The following CCDC15 variants were observed in gnomAD, a reference collection of about 807,000 sequenced individuals.
CCDC15 encodes coiled-coil domain-containing protein 15.
In CCDC15, 105 loss-of-function variants were observed where a neutral mutation model predicts 114.5. The observed-to-expected ratio is 0.92, with a 90% CI of 0.78 to 1.08. CCDC15 has a LOEUF of 1.08. Ranked by LOEUF, CCDC15 falls within the 50% of genes least tolerant of loss-of-function variation. The pLI, the probability that CCDC15 is intolerant of heterozygous loss-of-function variation, is 0.00. For synonymous variants in CCDC15, 334 were observed against 377.8 expected, an observed-to-expected ratio of 0.88 and a Z score of 1.34; for missense variants, 1,105 against 1,093.6, an observed-to-expected ratio of 1.01 and a Z score of -0.15.
Position 124,987,591 on chromosome 11 carries a change from T to A in CCDC15, c.1365T>A (p.His455Gln). ...AGGACTTCCTACCCAGAGACCAGCA[T>A]GTTCTCCACAAAGACCAAGATATTC... is the stretch of plus-strand genomic sequence containing the variant. ...QDQDFLPRDQ[H>Q]VLHKDQDILP... Residue 455 changes from histidine to glutamine, a missense_variant, in exon 8 of 16, where the codon CAT becomes CAA. Transcript: ENST00000344762. 6.2e-7 allele frequency: 1 copy of A among 1,614,036 alleles called. No individual in the cohort carries two copies. The highest frequency in any genetic ancestry group is 8.5e-7 in the Non-Finnish European group (1 of 1,179,900).
chr11:124,970,939 T>G (rs1947867090), intron 4 of CCDC15, among the ~76,000 whole-genome samples: 1 of 152,244 alleles, frequency 6.6e-6, no homozygotes, highest in Non-Finnish European at 1.5e-5. Context: ...GTTAAAGTTA[T>G]GTTTCTGTGT....
chr11:124,985,762 G>T (rs959641171), intron 6 of CCDC15, among the ~76,000 whole-genome samples: 4 of 150,850 alleles, frequency 2.7e-5, no homozygotes, highest in Non-Finnish European at 5.9e-5. Flanking sequence ...ATATATTCTG[G>T]ATACAAGTTC....
At chr11:125,000,063 A>T (rs978424740) in intron 11 of CCDC15, among the ~76,000 whole-genome samples, 1 of 151,494 alleles carries the variant, frequency 6.6e-6, no homozygotes, top group Non-Finnish European at 1.5e-5. Flanking sequence ...GGGTTTCACC[A>T]TGTTGGCCAG....
intron 13 of CCDC15, among the ~76,000 whole-genome samples, chr11:125,022,492 C>T (rs1489284105): frequency 6.6e-6 from 1 of 151,890 alleles, no homozygotes; most frequent in Non-Finnish European, 1.5e-5. Flanking sequence ...GTGGCTTTGT[C>T]ACTTTGCTAG....
chr11:125,014,162 A>G (rs1360309659), intron 13 of CCDC15, among the ~76,000 whole-genome samples: 4 of 152,194 alleles, frequency 2.6e-5, no homozygotes, highest in Admixed American at 2.0e-4. Flanking sequence ...TAGGGAGAGC[A>G]TACACTAAGA....
intron 15 of CCDC15, 145 bp from the exon 16 acceptor site, chr11:125,040,445 C>T: frequency 1.5e-6 from 1 of 671,622 alleles, no homozygotes; most frequent in Non-Finnish European, 2.4e-6. Flanking sequence ...GAGTGCTTGT[C>T]ATATAGTAAG....
intron 13 of CCDC15, among the ~76,000 whole-genome samples, chr11:125,032,260 G>A (rs1233662558): frequency 6.6e-6 from 1 of 152,256 alleles, no homozygotes; most frequent in African/African-American, 2.4e-5. Context: ...CCTGAGGTAG[G>A]ACAGTAAAGG....
At chr11:125,013,372 T>C (rs925266237) in intron 13 of CCDC15, among the ~76,000 whole-genome samples, 2 of 152,188 alleles carry the variant, frequency 1.3e-5, no homozygotes, top group African/African-American at 4.8e-5. Context: ...AACGAAGTTG[T>C]TGAAAGATTT....
intron 4 of CCDC15, among the ~76,000 whole-genome samples, chr11:124,965,001 T>A (rs1318252973): frequency 1.3e-5 from 2 of 152,122 alleles, no homozygotes; most frequent in Non-Finnish European, 1.5e-5. Context: ...CAACTTGATC[T>A]TGGTGGATAA....
At chr11:125,040,235 C>T (rs953982406) in intron 15 of CCDC15, among the ~76,000 whole-genome samples, 37 of 151,776 alleles carry the variant, frequency 2.4e-4, no homozygotes, top group African/African-American at 9.0e-4. Flanking sequence ...CGGGGGTTTG[C>T]CATGTTGGCC....
At chr11:125,039,385 A>G in intron 15 of CCDC15, 1 of 237,842 alleles carries the variant, frequency 4.2e-6, no homozygotes, top group East Asian at 8.2e-5. Flanking sequence ...GACTCTATCC[A>G]GTTGAATTCC....
At chr11:124,965,067 A>G (rs1004415954) in intron 4 of CCDC15, among the ~76,000 whole-genome samples, 18 of 151,980 alleles carry the variant, frequency 1.2e-4, no homozygotes, top group African/African-American at 4.1e-4. Context: ...AGATTTTTGC[A>G]TCGATGTTCA....
At chr11:125,019,531 AC>A (rs1948649010) in intron 13 of CCDC15, among the ~76,000 whole-genome samples, 1 of 152,002 alleles carries the variant, frequency 6.6e-6, no homozygotes, top group African/African-American at 2.4e-5. Context: ...TGTCTTTATC[AC>A]CTAACGTCTT....
intron 12 of CCDC15, 90 bp downstream of exon 12, chr11:125,004,049 C>A: frequency 4.9e-6 from 3 of 614,562 alleles, no homozygotes; most frequent in Non-Finnish European, 7.7e-6. Context: ...TGTGTCCTAA[C>A]ACATAAAAGA....
At chr11:125,019,315 T>C (rs917732145) in intron 13 of CCDC15, among the ~76,000 whole-genome samples, 1 of 152,048 alleles carries the variant, frequency 6.6e-6, no homozygotes, top group African/African-American at 2.4e-5. Context: ...TAGCATTCAC[T>C]GAGTGCTTAG....
intron 2 of CCDC15, among the ~76,000 whole-genome samples, chr11:124,956,942 G>T (rs1417531873): frequency 2.0e-5 from 3 of 151,996 alleles, no homozygotes; most frequent in Admixed American, 6.5e-5. Flanking sequence ...AATTTCAGGG[G>T]GCCATCAGGA....
intron 13 of CCDC15, among the ~76,000 whole-genome samples, chr11:125,009,883 T>C (rs924378696): frequency 1.3e-5 from 2 of 152,228 alleles, no homozygotes; most frequent in South Asian, 4.1e-4. Context: ...ACATACCACA[T>C]TTTCTTTATC....
At chr11:124,965,235 C>A (rs1947753362) in intron 4 of CCDC15, among the ~76,000 whole-genome samples, 6 of 152,048 alleles carry the variant, frequency 3.9e-5, no homozygotes, top group Admixed American at 3.9e-4. Context: ...CCTCTTTGTA[C>A]CTTTGGTAGA....
intron 4 of CCDC15, among the ~76,000 whole-genome samples, chr11:124,964,905 G>T (rs1329395538): frequency 6.6e-6 from 1 of 152,056 alleles, no homozygotes; most frequent in Non-Finnish European, 1.5e-5. Context: ...TAATCATGTG[G>T]TTTTTGTCTT....
Sources: allele counts gnomAD v4.1 joint callset (sites outside exome capture counted in the v4.1 genomes callset), GRCh38; gene constraint gnomAD v4.1.1; transcripts MANE v1.5; gene names NCBI Gene and HGNC (gene_info 2026-07-23, HGNC 2026-07-21).